The following NELL1 variants were observed in gnomAD, a reference collection of about 807,000 sequenced individuals.
NELL1 encodes protein kinase C-binding protein NELL1.
Under a neutral mutation model 107.4 loss-of-function variants are expected in NELL1, and 76 were observed. The ratio of observed to expected loss-of-function variants is 0.71; its 90% confidence interval spans 0.59 to 0.86. NELL1 has a LOEUF of 0.86. NELL1 is among the 40% of genes least tolerant of loss of function. The pLI, the probability that NELL1 is intolerant of heterozygous loss-of-function variation, is 0.00. For synonymous variants in NELL1, 353 were observed against 341.2 expected, an observed-to-expected ratio of 1.03 and a Z score of -0.38; for missense variants, 1,024 against 1,005.5, an observed-to-expected ratio of 1.02 and a Z score of -0.25.
At chr11:21,157,306 G>A (rs1856265568) in intron 13 of NELL1, among the ~76,000 whole-genome samples, 1 of 151,870 alleles carries the variant, frequency 6.6e-6, no homozygotes, top group Non-Finnish European at 1.5e-5. Flanking sequence ...TATCTCTACA[G>A]TATTTCATTT....
intron 15 of NELL1, among the ~76,000 whole-genome samples, chr11:21,374,901 GTGTGT>G (rs1288681945): frequency 4.6e-5 from 7 of 150,770 alleles, no homozygotes; most frequent in Non-Finnish European, 7.4e-5. Flanking sequence ...GTGTGTGTGT[GTGTGT>G]GTGTGTGTGT....
intron 12 of NELL1, among the ~76,000 whole-genome samples, chr11:21,035,490 A>T (rs1853068498): frequency 6.7e-6 from 1 of 149,616 alleles, no homozygotes; most frequent in African/African-American, 2.5e-5. Flanking sequence ...AAAAAAAAAT[A>T]AAACTGGCAA....
intron 12 of NELL1, among the ~76,000 whole-genome samples, chr11:21,058,816 T>C (rs1312755667): frequency 1.3e-5 from 2 of 152,168 alleles, no homozygotes; most frequent in African/African-American, 4.8e-5. Flanking sequence ...GGTCTTGCAT[T>C]GAGTGTCAGA....
At chr11:20,755,449 A>C (rs7104474) in intron 2 of NELL1, among the ~76,000 whole-genome samples, 1,841 of 152,254 alleles carry the variant, frequency 0.012, 33 homozygotes, top group African/African-American at 0.042. Flanking sequence ...GGGTTAATAT[A>C]AAGTTCTTCC....
intron 15 of NELL1, among the ~76,000 whole-genome samples, chr11:21,514,353 T>C (rs779379807): frequency 8.5e-5 from 13 of 152,174 alleles, no homozygotes; most frequent in Non-Finnish European, 1.9e-4. Flanking sequence ...ATTATAATGT[T>C]AGAGGTGTGC....
intron 2 of NELL1, among the ~76,000 whole-genome samples, chr11:20,730,146 A>G (rs1202491534): frequency 1.3e-5 from 2 of 152,230 alleles, no homozygotes; most frequent in African/African-American, 4.8e-5. Flanking sequence ...TTACAGGCAG[A>G]TCCAAGTTTG....
At position 21,144,980 on chromosome 11, in the gene NELL1, C is replaced by T. The variant is rs541029942; in HGVS notation, c.1426+31266C>T. On this transcript the variant is annotated intron_variant, in intron 13 of 19. Coordinates refer to ENST00000357134, the MANE Select transcript of NELL1 (RefSeq NM_006157.5). Reference sequence around the variant, plus strand: ...GGGGCAAATCATTTTAACCTCTTTGCACCTCAGTTTCCTCAGTCACAAAAC... The same window carrying T: ...GGGGCAAATCATTTTAACCTCTTTGTACCTCAGTTTCCTCAGTCACAAAAC... Among the ~76,000 whole-genome samples the T allele has an allele frequency of 5.0e-4, 76 of 152,272 alleles. No homozygotes were observed. In the South Asian group the frequency reaches 5.6e-3, roughly 11 times the overall value.
intron 15 of NELL1, among the ~76,000 whole-genome samples, chr11:21,403,870 G>T (rs1264863608): frequency 6.6e-6 from 1 of 151,820 alleles, no homozygotes; most frequent in Middle Eastern, 3.2e-3. Context: ...ACACTATTTA[G>T]CTATCTCCAT....
At chr11:20,805,307 A>G (rs1564916035) in intron 3 of NELL1, among the ~76,000 whole-genome samples, 1 of 152,152 alleles carries the variant, frequency 6.6e-6, no homozygotes, top group Non-Finnish European at 1.5e-5. Context: ...TGTTAATGAT[A>G]AATAAGCATC....
chr11:20,975,976 TTA>T lies in NELL1; in HGVS notation c.1300+15420_1300+15421del, dbSNP rs1851619943. Among the ~76,000 whole-genome samples the T allele has an allele frequency of 3.6e-5, 4 of 112,444 alleles. No individual in the cohort carries two copies. The East Asian group carries it at 1.1e-3, about 31-fold the overall frequency. 73.8% of individuals were successfully genotyped at this position (112,444 alleles called of 152,430 possible). A position where few individuals can be genotyped will look rare whatever the true frequency, so the allele number is the denominator to read the frequency against. The stretch of plus-strand genomic sequence containing the variant: ...GTACATTATATATACATTATATATA[TTA>T]TATCTGTACATATATGTGTATTATA... On this transcript the variant is annotated intron_variant, in intron 12 of 19. Coordinates refer to ENST00000357134, the MANE Select transcript of NELL1 (RefSeq NM_006157.5).
rs1424710409 is a variant in NELL1, at chr11:21,245,845, G to A, written c.1549+16391G>A. On this transcript the variant is annotated intron_variant, in intron 14 of 19. Transcript: ENST00000357134. ...CTTAGACTTACCTTTAGGTATTTAT[G>A]TTATGAAGGGGAAGGTTTTAAGCTG... Among the ~76,000 whole-genome samples the A allele has an allele frequency of 2.6e-5, 4 of 152,194 alleles. No individual in the cohort carries two copies. In the South Asian group the frequency reaches 6.2e-4, roughly 24 times the overall value.
Position 20,698,111 on chromosome 11 carries a change from A to T in NELL1, c.184+20051A>T, listed in dbSNP as rs575673376. ...GTGGAGTGATTTAGTATAACTTTGC[A>T]TTTAATCAATTAGCCGAGTGATTCA... On this transcript the variant is annotated intron_variant, in intron 2 of 19. Coordinates refer to ENST00000357134, the MANE Select transcript of NELL1 (RefSeq NM_006157.5). 2.0e-5 allele frequency among the ~76,000 whole-genome samples: 3 copies of T among 152,310 alleles called. No individual in the cohort carries two copies. In the South Asian group the frequency reaches 6.2e-4, roughly 32 times the overall value.
chr11:20,673,113 C>T (rs906232863), intron 1 of NELL1, among the ~76,000 whole-genome samples: 6 of 151,914 alleles, frequency 3.9e-5, no homozygotes, highest in African/African-American at 7.3e-5. Flanking sequence ...CTGCCCGCCT[C>T]GGCTTCCCAA....
At chr11:21,301,053 C>A (rs751741747) in intron 14 of NELL1, among the ~76,000 whole-genome samples, 4 of 152,044 alleles carry the variant, frequency 2.6e-5, no homozygotes, top group Non-Finnish European at 5.9e-5. Context: ...GCTTCATCCA[C>A]GTCCCCACAA....
chr11:21,111,368 A>G (rs1033836570), intron 12 of NELL1, among the ~76,000 whole-genome samples: 2 of 152,090 alleles, frequency 1.3e-5, no homozygotes, highest in South Asian at 2.1e-4. Flanking sequence ...TTTAGCCTCT[A>G]TAGTTTCCCT....
At chr11:21,384,957 C>T in intron 15 of NELL1, among the ~76,000 whole-genome samples, 1 of 151,908 alleles carries the variant, frequency 6.6e-6, no homozygotes, top group Non-Finnish European at 1.5e-5. Flanking sequence ...AATGTATTTA[C>T]TTTCAACTAA....
At chr11:21,458,795 C>T (rs1853817918) in intron 15 of NELL1, among the ~76,000 whole-genome samples, 1 of 152,016 alleles carries the variant, frequency 6.6e-6, no homozygotes, top group African/African-American at 2.4e-5. Flanking sequence ...TCATCTCTAC[C>T]TAAATGAATG....
At chr11:21,143,503 C>T (rs1293118082) in intron 13 of NELL1, among the ~76,000 whole-genome samples, 1 of 152,074 alleles carries the variant, frequency 6.6e-6, no homozygotes, top group Non-Finnish European at 1.5e-5. Flanking sequence ...GGTGGAGTAG[C>T]CAAAGGACTT....
intron 14 of NELL1, among the ~76,000 whole-genome samples, chr11:21,369,973 G>A (rs556347650): frequency 6.6e-6 from 1 of 152,102 alleles, no homozygotes; most frequent in Non-Finnish European, 1.5e-5. Context: ...CAATACAGTG[G>A]TGAGTAAAAA....
Sources: gnomAD v4.1 joint callset for allele counts (sites outside exome capture counted in the v4.1 genomes callset) on GRCh38, gnomAD v4.1.1 for gene constraint, MANE v1.5 for transcripts, NCBI Gene and HGNC (gene_info 2026-07-23, HGNC 2026-07-21) for gene names.